Variants in PCDHGB4 observed in about 807,000 individuals in gnomAD.
PCDHGB4 encodes the protein protocadherin gamma subfamily B, 4.
In PCDHGB4, 38 loss-of-function variants were observed where a neutral mutation model predicts 60.5. The ratio of observed to expected loss-of-function variants is 0.63; its 90% CI spans 0.48 to 0.82. PCDHGB4 has a LOEUF of 0.82. Among genes scored for constraint, PCDHGB4 ranks in the 40% least tolerant of loss-of-function variants. The pLI, the probability that PCDHGB4 is intolerant of heterozygous loss-of-function variation, is 0.00. For synonymous variants in PCDHGB4, 456 were observed against 509.7 expected (o/e 0.89, Z 1.42); for missense variants, 1,109 against 1,209.6 (o/e 0.92, Z 1.23).
rs1430298222 is a variant in PCDHGB4, at chr5:141,476,741, A to C, written c.2398-18066A>C. ...CGCCCTGGACCGAGAACGGGAGCCTAGTCTCCAGTTAGTGCTGACGGCGTT... is the reference window on the plus strand; with the variant it reads ...CGCCCTGGACCGAGAACGGGAGCCTCGTCTCCAGTTAGTGCTGACGGCGTT... On this transcript the variant is annotated intron_variant, in intron 1 of 3. Coordinates refer to ENST00000519479, the MANE Select transcript of PCDHGB4 (RefSeq NM_003736.4). The surrounding 1 kb of genome is among the most constrained non-coding windows in gnomAD (Gnocchi z 7.6). 1 of 1,613,936 alleles carries C rather than the reference A, an allele frequency of 6.2e-7. No homozygotes were observed. Among genetic ancestry groups the C allele is most frequent in the South Asian group, 1.1e-5 (1 of 91,088 alleles).
At chr5:141,403,223 G>C (rs1414315950) in intron 1 of PCDHGB4, 2 of 1,613,968 alleles carry the variant, frequency 1.2e-6, no homozygotes, top group Non-Finnish European at 8.5e-7. Flanking sequence ...GGGTAGGATA[G>C]ACCGGGAGGA....
Position 141,489,087 on chromosome 5 carries a change from T to TCAAA in PCDHGB4, c.2398-5720_2398-5719insCAAA. 4.6e-6 allele frequency: 1 copy of TCAAA among 216,106 alleles called. No individual in the cohort carries two copies. The highest frequency in any genetic ancestry group is 8.4e-6 in the Non-Finnish European group (1 of 118,736). The allele number at this position is 216,106 out of a possible 1,614,324, so 13.4% of individuals were successfully genotyped here. On this transcript the variant is annotated intron_variant, in intron 1 of 3. Coordinates refer to ENST00000519479, the MANE Select transcript of PCDHGB4 (RefSeq NM_003736.4). This position sits in a 1 kb window ranked among gnomAD's most constrained non-coding sequence, Gnocchi z 4.5. The stretch of plus-strand genomic sequence containing the variant: ...CCCCCTGCCCACCCCCGCCACTCGG[T>TCAAA]GACTAAGAACTGCTGCAAGCAGGCA...
intron 1 of PCDHGB4, chr5:141,422,609 A>G: frequency 6.2e-7 from 1 of 1,613,882 alleles, no homozygotes; most frequent in Non-Finnish European, 8.5e-7. Context: ...TACTCTGCCT[A>G]CATTCCCGAA....
intron 1 of PCDHGB4, chr5:141,442,197 A>G (rs1267971703): frequency 1.3e-5 from 2 of 153,426 alleles, no homozygotes; most frequent in African/African-American, 4.8e-5. Context: ...ATTAATTTAT[A>G]TCTGGTGATT....
At position 141,490,221 on chromosome 5, in the gene PCDHGB4, G is replaced by A; in HGVS notation, c.2398-4586G>A. 6.2e-7 allele frequency: 1 copy of A among 1,614,236 alleles called. No individual in the cohort carries two copies. The highest frequency in any genetic ancestry group is 1.1e-5 in the South Asian group (1 of 91,084). ...ATGCAAGAGCCCGTGACCAGGGACAGCCTGCCATGGAGGGCCACTGTGTGA... is the reference window on the plus strand; with the variant it reads ...ATGCAAGAGCCCGTGACCAGGGACAACCTGCCATGGAGGGCCACTGTGTGA... On this transcript the variant is annotated intron_variant, in intron 1 of 3. Transcript: ENST00000519479. The surrounding 1 kb of genome is among the most constrained non-coding windows in gnomAD (Gnocchi z 5.4).
intron 1 of PCDHGB4, chr5:141,413,386 GTC>G: frequency 6.2e-7 from 1 of 1,614,002 alleles, no homozygotes; most frequent in Non-Finnish European, 8.5e-7. Context: ...AGTCCGCATA[GTC>G]TCCAGAGGTA....
Position 141,432,480 on chromosome 5 carries a change from G to T in PCDHGB4, c.2397+42199G>T, listed in dbSNP as rs775075732. On this transcript the variant is annotated intron_variant, in intron 1 of 3. Transcript: ENST00000519479. This position sits in a 1 kb window ranked among gnomAD's most constrained non-coding sequence, Gnocchi z 6.0. ...GCCCTCCCCACGGACGGTTCCACTG[G>T]CGTGGAGCTGGCTCCCCGCTCCGCA... The T allele has an allele frequency of 1.9e-6, 3 of 1,614,180 alleles. No individual in the cohort carries two copies. The highest frequency in any genetic ancestry group is 2.2e-5 in the South Asian group (2 of 91,078).
At position 141,489,097 on chromosome 5, in the gene PCDHGB4, C is replaced by A; in HGVS notation, c.2398-5710C>A. ...ACCCCCGCCACTCGGTGACTAAGAA[C>A]TGCTGCAAGCAGGCAAACCTCCGAG... On this transcript the variant is annotated intron_variant, in intron 1 of 3. Transcript: ENST00000519479. This position sits in a 1 kb window ranked among gnomAD's most constrained non-coding sequence, Gnocchi z 4.5. The A allele has an allele frequency of 2.6e-5, 8 of 313,358 alleles. No homozygotes were observed. Among genetic ancestry groups the A allele is most frequent in the Non-Finnish European group, 3.5e-5 (6 of 172,456 alleles). The allele number at this position is 313,358 out of a possible 1,614,324, so 19.4% of individuals were successfully genotyped here. A position where few individuals can be genotyped will look rare whatever the true frequency, so the allele number is the denominator to read the frequency against.
intron 1 of PCDHGB4, chr5:141,409,921 G>C (rs767370997): frequency 2.7e-5 from 44 of 1,613,404 alleles, no homozygotes; most frequent in Non-Finnish European, 3.7e-5. Context: ...ACGGCTCCGC[G>C]TTCTTCGATA....
In PCDHGB4 at chr5:141,477,147, A is replaced by G. The variant is rs1195888163; in HGVS notation, c.2398-17660A>G. On this transcript the variant is annotated intron_variant, in intron 1 of 3. Coordinates refer to ENST00000519479, the MANE Select transcript of PCDHGB4 (RefSeq NM_003736.4). The surrounding 1 kb of genome is among the most constrained non-coding windows in gnomAD (Gnocchi z 4.9). The stretch of plus-strand genomic sequence containing the variant: ...TGCAAAGTGTTGGTGGAGGTTGTGG[A>G]TGTGAATGACAACGCCCCGGAGATC... 2 of 1,614,168 alleles carry G rather than the reference A, an allele frequency of 1.2e-6. No individual in the cohort carries two copies. The highest frequency in any genetic ancestry group is 1.1e-5 in the South Asian group (1 of 91,080).
intron 1 of PCDHGB4, among the ~76,000 whole-genome samples, chr5:141,425,922 A>G (rs1485934946): frequency 6.6e-6 from 1 of 152,240 alleles, no homozygotes; most frequent in Non-Finnish European, 1.5e-5. Context: ...TCACTACGAA[A>G]ACTCATAAAA....
At position 141,388,521 on chromosome 5, in the gene PCDHGB4, ACTGC is replaced by A; in HGVS notation, c.640_643del (p.Ala214TrpfsTer8). 6.2e-7 allele frequency: 1 copy of A among 1,613,840 alleles called. No individual in the cohort carries two copies. Among genetic ancestry groups the A allele is most frequent in the Non-Finnish European group, 8.5e-7 (1 of 1,179,902 alleles). On this transcript the variant is annotated frameshift_variant, in exon 1 of 4. Transcript: ENST00000519479. LOFTEE classifies it high-confidence loss of function. ...GCAGAAATCCTACCACTTGACTTTG[ACTGC>A]CTTGGACTTTGGAGCTCCACCCCTA...
At chr5:141,450,556 G>T (rs534127421) in intron 1 of PCDHGB4, among the ~76,000 whole-genome samples, 1 of 151,940 alleles carries the variant, frequency 6.6e-6, no homozygotes, top group African/African-American at 2.4e-5. Flanking sequence ...GCGCAGTCTC[G>T]GCTCACTGCA....
At chr5:141,399,736 G>A (rs771689220) in intron 1 of PCDHGB4, 4 of 1,613,306 alleles carry the variant, frequency 2.5e-6, no homozygotes, top group Non-Finnish European at 3.4e-6. Flanking sequence ...GGGCTCGCCT[G>A]CGCTCAGCGC....
intron 1 of PCDHGB4, chr5:141,427,320 G>GT: frequency 2.2e-6 from 1 of 457,086 alleles, no homozygotes; most frequent in Non-Finnish European, 4.4e-6. Context: ...CCCAGACGTG[G>GT]TTTTTACTTC....
chr5:141,492,894 G>A (rs2099744893), intron 1 of PCDHGB4, among the ~76,000 whole-genome samples: 1 of 152,202 alleles, frequency 6.6e-6, no homozygotes, highest in Admixed American at 6.5e-5. Flanking sequence ...GGCTTTTGGC[G>A]CCGTCGTGAT....
At chr5:141,456,860 G>A (rs1345260160) in intron 1 of PCDHGB4, among the ~76,000 whole-genome samples, 1 of 152,170 alleles carries the variant, frequency 6.6e-6, no homozygotes, top group African/African-American at 2.4e-5. Flanking sequence ...CTAATTGGGA[G>A]GCTGAGGCAG....
At chr5:141,404,897 C>A in intron 1 of PCDHGB4, 1 of 1,613,920 alleles carries the variant, frequency 6.2e-7, no homozygotes, top group African/African-American at 1.3e-5. Context: ...TGTACAGGAC[C>A]ATGGCCAGCC....
chr5:141,394,491 C>A lies in PCDHGB4; in HGVS notation c.2397+4210C>A, dbSNP rs1477855534. 4 of 1,614,234 alleles carry A rather than the reference C, an allele frequency of 2.5e-6. No homozygotes were observed. The highest frequency in any genetic ancestry group is 2.5e-6 in the Non-Finnish European group (3 of 1,180,046). On this transcript the variant is annotated intron_variant, in intron 1 of 3. Transcript: ENST00000519479. The stretch of plus-strand genomic sequence containing the variant: ...CGTGCTGGACCAGAATGACAACGCG[C>A]CCGAGATCCTGTACCCCGCCCTCCC...
Sources: allele counts gnomAD v4.1 joint callset (sites outside exome capture counted in the v4.1 genomes callset), GRCh38; gene constraint gnomAD v4.1.1; non-coding constraint Gnocchi (gnomAD v3.1); transcripts MANE v1.5; gene names NCBI Gene and HGNC (gene_info 2026-07-23, HGNC 2026-07-21).